LDLRAD4: variants seen among roughly 807,000 people sequenced by gnomAD.
LDLRAD4 encodes low-density lipoprotein receptor class A domain-containing protein 4.
In LDLRAD4, 5 loss-of-function variants were observed where a neutral mutation model predicts 17.0. The observed-to-expected ratio is 0.29, with a 90% CI of 0.15 to 0.62. The LOEUF (loss-of-function observed/expected upper bound fraction) is 0.62, where lower values mean the gene tolerates loss of function less well. LDLRAD4 is among the 20% of genes least tolerant of loss of function. The pLI is 0.84. For missense variants in LDLRAD4, 340 were observed against 424.7 expected, an observed-to-expected ratio of 0.80 and a Z score of 1.75; for synonymous variants, 168 against 171.8, an observed-to-expected ratio of 0.98 and a Z score of 0.17.
intron 3 of LDLRAD4, chr18:13,543,716 G>A (rs2094319104): frequency 6.6e-6 from 1 of 152,208 alleles, no homozygotes; most frequent in Non-Finnish European, 1.5e-5. Flanking sequence ...CTTGGGGTTT[G>A]GCTGGCCTGT....
At chr18:13,224,749 A>G (rs151168462) in intron 1 of LDLRAD4, among the ~76,000 whole-genome samples, 18 of 149,586 alleles carry the variant, frequency 1.2e-4, no homozygotes, top group Non-Finnish European at 1.6e-4. Context: ...CAAAGTGCTG[A>G]GATTACAGGC....
rs183434230 is a variant in LDLRAD4 at position 13,499,230 on chromosome 18, C to T, written c.181+60846C>T. On this transcript the variant is annotated intron_variant, in intron 3 of 5. Transcript: ENST00000359446. Reference sequence around the variant, plus strand: ...TGTGGATACTGGAGAATCCTTCTCGCCACACACTTCCCACCGTGGACACTG... The same window carrying T: ...TGTGGATACTGGAGAATCCTTCTCGTCACACACTTCCCACCGTGGACACTG... Among the ~76,000 whole-genome samples the T allele has an allele frequency of 3.1e-3, 459 of 150,060 alleles. 2 individuals are homozygous for T. The highest frequency in any genetic ancestry group is 0.011 in the African/African-American group (443 of 40,598).
intron 3 of LDLRAD4, among the ~76,000 whole-genome samples, chr18:13,449,910 G>A (rs1034477155): frequency 1.3e-5 from 2 of 152,156 alleles, no homozygotes; most frequent in Non-Finnish European, 2.9e-5. Flanking sequence ...TCATGGGGCC[G>A]GGGTGGTGGC....
intron 1 of LDLRAD4, among the ~76,000 whole-genome samples, chr18:13,384,522 A>G (rs1321590906): frequency 1.3e-5 from 2 of 152,200 alleles, no homozygotes; most frequent in Non-Finnish European, 2.9e-5. Flanking sequence ...GTATTCCTCC[A>G]GTCCATCTGA....
At chr18:13,344,894 G>A (rs1366875857) in intron 1 of LDLRAD4, among the ~76,000 whole-genome samples, 1 of 152,152 alleles carries the variant, frequency 6.6e-6, no homozygotes, top group Non-Finnish European at 1.5e-5. Flanking sequence ...TCTGCTGTTG[G>A]TGTATCAGAA....
chr18:13,565,021 G>A (rs2094582885), intron 3 of LDLRAD4: 1 of 152,236 alleles, frequency 6.6e-6, no homozygotes, highest in Non-Finnish European at 1.5e-5. Flanking sequence ...AGAACACGGA[G>A]TATGTATTTC....
intron 3 of LDLRAD4, among the ~76,000 whole-genome samples, chr18:13,581,765 G>A: frequency 6.6e-6 from 1 of 152,132 alleles, no homozygotes; most frequent in East Asian, 1.9e-4. Context: ...CTGCACTGCT[G>A]GATCTGAGAA....
intron 1 of LDLRAD4, among the ~76,000 whole-genome samples, chr18:13,247,836 G>A (rs1031681629): frequency 2.0e-5 from 3 of 152,066 alleles, no homozygotes; most frequent in Admixed American, 6.5e-5. Flanking sequence ...CATAGGCCAC[G>A]GGATTTGCTG....
chr18:13,624,558 C>T (rs2040946846), intron 4 of LDLRAD4, among the ~76,000 whole-genome samples: 1 of 152,202 alleles, frequency 6.6e-6, no homozygotes, highest in South Asian at 2.1e-4. Flanking sequence ...CCGATTGTGC[C>T]TTTGGGATGG....
chr18:13,571,244 G>C (rs538304201), intron 3 of LDLRAD4, among the ~76,000 whole-genome samples: 1 of 152,160 alleles, frequency 6.6e-6, no homozygotes, highest in Non-Finnish European at 1.5e-5. Context: ...GTGTAAGTAC[G>C]CTGTCTATGA....
chr18:13,247,289 T>C (rs540151426), intron 1 of LDLRAD4, among the ~76,000 whole-genome samples: 1 of 152,312 alleles, frequency 6.6e-6, no homozygotes, highest in East Asian at 1.9e-4. Context: ...AGAGTTCCTA[T>C]ATGCCCTGCT....
At chr18:13,223,340 A>T (rs1461450348) in intron 1 of LDLRAD4, among the ~76,000 whole-genome samples, 3 of 152,226 alleles carry the variant, frequency 2.0e-5, no homozygotes, top group Admixed American at 6.5e-5. Context: ...CTGGCTAGCC[A>T]TCCTCCATGC....
At chr18:13,528,306 G>A (rs2094067520) in intron 3 of LDLRAD4, among the ~76,000 whole-genome samples, 1 of 152,164 alleles carries the variant, frequency 6.6e-6, no homozygotes, top group Non-Finnish European at 1.5e-5. Flanking sequence ...GCAGAATTGA[G>A]CACCATTATT....
intron 1 of LDLRAD4, among the ~76,000 whole-genome samples, chr18:13,368,054 G>T (rs2084195635): frequency 6.6e-6 from 1 of 152,132 alleles, no homozygotes; most frequent in Admixed American, 6.5e-5. Flanking sequence ...GAACAGATGT[G>T]GGAGGAAGGG....
chr18:13,459,679 G>A (rs1014207888), intron 3 of LDLRAD4, among the ~76,000 whole-genome samples: 5 of 152,080 alleles, frequency 3.3e-5, no homozygotes, highest in African/African-American at 4.8e-5. Flanking sequence ...CACCGCACCC[G>A]GTCAAATTCG....
At chr18:13,642,750 G>A in intron 4 of LDLRAD4, 3 of 1,231,222 alleles carry the variant, frequency 2.4e-6, no homozygotes, top group Non-Finnish European at 3.0e-6. Context: ...TGTATTTCAA[G>A]CACACAGGTG....
At chr18:13,421,420 G>C (rs2089439864) in intron 2 of LDLRAD4, among the ~76,000 whole-genome samples, 1 of 152,100 alleles carries the variant, frequency 6.6e-6, no homozygotes, top group Non-Finnish European at 1.5e-5. Context: ...GAGCATGCAG[G>C]GTGGCCTCCC....
intron 1 of LDLRAD4, among the ~76,000 whole-genome samples, chr18:13,378,056 T>G (rs1008621562): frequency 1.3e-5 from 2 of 152,216 alleles, no homozygotes; most frequent in Non-Finnish European, 2.9e-5. Context: ...GAGGCACTTG[T>G]GGAGCTGGTT....
rs114777675 is a variant in LDLRAD4, at chr18:13,598,843, G to A, written c.182-22274G>A. On this transcript the variant is annotated intron_variant, in intron 3 of 5. Transcript: ENST00000359446. Reference sequence around the variant, plus strand: ...GACATTAGCTCACTTCTCTGAGTGAGCCCTCCTCAACTTTATGGGCAGGAT... The same window carrying A: ...GACATTAGCTCACTTCTCTGAGTGAACCCTCCTCAACTTTATGGGCAGGAT... 4.4e-3 allele frequency among the ~76,000 whole-genome samples: 667 copies of A among 152,348 alleles called. 3 individuals are homozygous for A. The highest frequency in any genetic ancestry group is 0.014 in the African/African-American group (601 of 41,580).
Sources: allele counts gnomAD v4.1 joint callset (sites outside exome capture counted in the v4.1 genomes callset), GRCh38; gene constraint gnomAD v4.1.1; transcripts MANE v1.5; gene names NCBI Gene and HGNC (gene_info 2026-07-23, HGNC 2026-07-21).